The following VSIG4 variants were observed in gnomAD, a reference collection of about 807,000 sequenced individuals.
VSIG4 encodes V-set and immunoglobulin domain-containing protein 4.
VSIG4 carries 34 observed loss-of-function variants against 23.4 expected under a neutral mutation model. The observed-to-expected ratio is 1.45, with a 90% CI of 1.10 to 1.93. The LOEUF (loss-of-function observed/expected upper bound fraction) is 1.93, where lower values mean the gene tolerates loss of function less well. Among genes scored for constraint, VSIG4 ranks in the 30% most tolerant of loss-of-function variants. VSIG4 has a pLI of 0.00. For missense variants in VSIG4, 433 were observed against 310.8 expected, an observed-to-expected ratio of 1.39 and a Z score of -2.96; for synonymous variants, 169 against 120.3, an observed-to-expected ratio of 1.41 and a Z score of -2.65.
rs1569244980 is a variant in VSIG4 at position 66,036,767 on chromosome X, A to AT, written c.56-2938dup. Among the ~76,000 whole-genome samples the AT allele has an allele frequency of 2.4e-4, 10 of 41,894 alleles. No homozygotes were observed. In the South Asian group the frequency reaches 8.8e-3, roughly 37 times the overall value. 36.4% of individuals were successfully genotyped at this position (41,894 alleles called of 115,157 possible). A position where few individuals can be genotyped will look rare whatever the true frequency, so the allele number is the denominator to read the frequency against. ...TTAATAATATATAATATAATATAAT[A>AT]TATATTATATTATATTATATATAAT... is the stretch of plus-strand genomic sequence containing the variant. On this transcript the variant is annotated intron_variant, in intron 1 of 7. Transcript: ENST00000374737.
Position 66,021,932 on chromosome X carries a change from T to C in VSIG4, c.*331A>G. 1.6e-6 allele frequency: 1 copy of C among 623,031 alleles called. No individual in the cohort carries two copies. The highest frequency in any genetic ancestry group is 2.4e-6 in the Non-Finnish European group (1 of 418,418). 51.3% of individuals were successfully genotyped at this position (623,031 alleles called of 1,213,427 possible). A position where few individuals can be genotyped will look rare whatever the true frequency, so the allele number is the denominator to read the frequency against. The stretch of plus-strand genomic sequence containing the variant: ...GCAGAGCTGAGCCTCCCTCGGGTCT[T>C]CTGGTGGCAAGATGCCAAAGTTGAA... On this transcript the variant is annotated 3_prime_UTR_variant, in exon 8 of 8. Coordinates refer to ENST00000374737, the MANE Select transcript of VSIG4 (RefSeq NM_007268.3).
At chrX:66,032,897 A>G in intron 2 of VSIG4, 148 bp from the exon 3 acceptor site, 1 of 624,893 alleles carries the variant, frequency 1.6e-6, no homozygotes, top group Non-Finnish European at 2.4e-6. Flanking sequence ...AATAAGAAGG[A>G]AAGGGCAATA....
intron 5 of VSIG4, 107 bp from the exon 6 acceptor site, chrX:66,025,236 C>T: frequency 5.9e-6 from 3 of 504,953 alleles, no homozygotes; most frequent in Non-Finnish European, 9.4e-6. Flanking sequence ...TTTTCATTTT[C>T]CATATTCTCC....
At position 66,031,369 on chromosome X, in the gene VSIG4, G is replaced by A. The variant is rs183103894; in HGVS notation, c.694+1099C>T. Among the ~76,000 whole-genome samples, 187 of 109,401 alleles carry A rather than the reference G, an allele frequency of 1.7e-3. 1 individual carries two copies. Among genetic ancestry groups the A allele is most frequent in the South Asian group, 3.6e-3 (9 of 2,527 alleles). On this transcript the variant is annotated intron_variant, in intron 3 of 7. Coordinates refer to ENST00000374737, the MANE Select transcript of VSIG4 (RefSeq NM_007268.3). ...ACACTGTTCATATAACTTTCAGGGCGGACCACTCTTGTTCCTCCCAAAACT... is the reference window on the plus strand; with the variant it reads ...ACACTGTTCATATAACTTTCAGGGCAGACCACTCTTGTTCCTCCCAAAACT...
At chrX:66,037,865 T>C (rs2085636695) in intron 1 of VSIG4, among the ~76,000 whole-genome samples, 1 of 106,850 alleles carries the variant, frequency 9.4e-6, no homozygotes, top group Non-Finnish European at 1.9e-5. Context: ...AGCAAATGTC[T>C]GATGCCTGTG....
chrX:66,029,472 C>G (rs2085439509), intron 3 of VSIG4, among the ~76,000 whole-genome samples: 1 of 111,098 alleles, frequency 9.0e-6, no homozygotes, highest in Non-Finnish European at 1.9e-5. Context: ...ATGAAGTAGA[C>G]AGGTAGAATT....
chrX:66,036,788 A>AT (rs2085559529), intron 1 of VSIG4, among the ~76,000 whole-genome samples: 1 of 38,959 alleles, frequency 2.6e-5, no homozygotes, highest in African/African-American at 1.5e-4. Context: ...TATATTATAT[A>AT]TAATATAATA....
At chrX:66,037,233 A>AATAAT (rs2085601565) in intron 1 of VSIG4, among the ~76,000 whole-genome samples, 2 of 6,024 alleles carry the variant, frequency 3.3e-4, no homozygotes, top group African/African-American at 1.5e-3. Context: ...TATATTATAT[A>AATAAT]ATAATATAAT....
intron 1 of VSIG4, among the ~76,000 whole-genome samples, chrX:66,036,939 T>C (rs1299844993): frequency 3.2e-5 from 1 of 31,100 alleles, no homozygotes; most frequent in African/African-American, 2.0e-4. Flanking sequence ...TATGATATAT[T>C]ATATGATATA....
intron 6 of VSIG4, among the ~76,000 whole-genome samples, chrX:66,024,335 A>C (rs2085365583): frequency 8.9e-6 from 1 of 112,126 alleles, no homozygotes; most frequent in African/African-American, 3.2e-5. Context: ...CTAGTGAAGA[A>C]AGTCCAAATT....
At chrX:66,027,956 T>C in intron 4 of VSIG4, 94 bp downstream of exon 4, 1 of 826,537 alleles carries the variant, frequency 1.2e-6, no homozygotes, top group Non-Finnish European at 1.8e-6. Context: ...AAGTGACTGT[T>C]TATTAGCCAT....
intron 4 of VSIG4, among the ~76,000 whole-genome samples, chrX:66,027,778 G>T (rs1023711356): frequency 2.7e-5 from 3 of 112,337 alleles, no homozygotes; most frequent in Admixed American, 1.9e-4. Context: ...GTCAAACTAG[G>T]AGCAGAATAG....
chrX:66,031,536 C>T (rs1020352640), intron 3 of VSIG4, among the ~76,000 whole-genome samples: 1 of 110,570 alleles, frequency 9.0e-6, no homozygotes, highest in Non-Finnish European at 1.9e-5. Flanking sequence ...TAGGTTTACG[C>T]CCTCTCCTTA....
At chrX:66,036,812 T>A (rs1373693467) in intron 1 of VSIG4, among the ~76,000 whole-genome samples, 11 of 39,151 alleles carry the variant, frequency 2.8e-4, no homozygotes, top group East Asian at 1.1e-3. Flanking sequence ...TATATAATAT[T>A]ATATATTATT....
chrX:66,037,539 T>C (rs1234145681), intron 1 of VSIG4, among the ~76,000 whole-genome samples: 1 of 20,287 alleles, frequency 4.9e-5, no homozygotes, highest in African/African-American at 2.6e-4. Flanking sequence ...ATATTCATAA[T>C]ATATTATATT....
At position 66,024,850 on chromosome X, in the gene VSIG4, T is replaced by A. The variant is rs910067246; in HGVS notation, c.940+175A>T. ...AGCCTAGTGCATTTAGTTCTGTAAG[T>A]CTTATGCCATTGTTTGCTCGAACAT... is the stretch of plus-strand genomic sequence containing the variant. On this transcript the variant is annotated intron_variant, in intron 6 of 7. Coordinates refer to ENST00000374737, the MANE Select transcript of VSIG4 (RefSeq NM_007268.3). 6.3e-5 allele frequency among the ~76,000 whole-genome samples: 7 copies of A among 111,773 alleles called. No homozygotes were observed. The East Asian group carries it at 2.0e-3, about 31-fold the overall frequency.
Position 66,025,036 on chromosome X carries a change from G to T in VSIG4, c.929C>A (p.Thr310Lys). 1 of 1,193,117 alleles carries T rather than the reference G, an allele frequency of 8.4e-7. No individual in the cohort carries two copies. Among genetic ancestry groups the T allele is most frequent in the Non-Finnish European group, 1.1e-6 (1 of 885,292 alleles). The change falls in exon 6 of 8, where the codon ACA becomes AAA. Residue 310 changes from threonine to lysine, a missense_variant. By Grantham distance (78) the Thr-to-Lys change is moderately conservative. Transcript: ENST00000374737. ...TMAYIMLCRK[T>K]SQQEHVYEAA... ...TATTCATCACTAACCTTGTTGGGAT[G>T]TCTTCCGACAGAGCATGATATAGGC... is the stretch of plus-strand genomic sequence containing the variant.
chrX:66,038,432 G>T (rs1027734566), intron 1 of VSIG4, among the ~76,000 whole-genome samples: 2 of 110,192 alleles, frequency 1.8e-5, no homozygotes, highest in Non-Finnish European at 3.8e-5. Flanking sequence ...GTCTGGAAAA[G>T]CTCATAGGCT....
intron 3 of VSIG4, 94 bp downstream of exon 3, chrX:66,032,374 C>T: frequency 9.5e-7 from 1 of 1,056,264 alleles, no homozygotes; most frequent in African/African-American, 1.9e-5. Context: ...GGATCCTCCT[C>T]TCCCAATTCT....
Sources: allele counts gnomAD v4.1 joint callset (sites outside exome capture counted in the v4.1 genomes callset), GRCh38; gene constraint gnomAD v4.1.1; transcripts MANE v1.5; gene names NCBI Gene and HGNC (gene_info 2026-07-23, HGNC 2026-07-21).